The following ATAD2B variants were observed in gnomAD, a reference collection of about 807,000 sequenced individuals.
ATAD2B encodes the protein ATPase family AAA domain containing 2B.
A neutral mutation model predicts 167.6 loss-of-function variants in ATAD2B; 40 were observed. The ratio of observed to expected loss-of-function variants is 0.24; its 90% CI spans 0.19 to 0.31. The LOEUF (loss-of-function observed/expected upper bound fraction) is 0.31, where lower values mean the gene tolerates loss of function less well. ATAD2B is among the 10% of genes least tolerant of loss of function. ATAD2B has a pLI of 1.00. For synonymous variants in ATAD2B, 579 were observed against 596.5 expected (o/e 0.97, Z 0.43); for missense variants, 1,242 against 1,757.2 (o/e 0.71, Z 5.24).
chr2:23,714,239 CTTTTT>C, the ATAD2B span, among the ~76,000 whole-genome samples: 2 of 136,494 alleles, frequency 1.5e-5, no homozygotes, highest in Non-Finnish European at 3.2e-5. Context: ...TCTCAAAATA[CTTTTT>C]TTTTTTTTTT....
intron 17 of ATAD2B, among the ~76,000 whole-genome samples, chr2:23,818,077 A>AACAC (rs10559795): frequency 7.0e-6 from 1 of 142,266 alleles, no homozygotes; most frequent in Admixed American, 7.0e-5. Flanking sequence ...AACACACATA[A>AACAC]ACACACACAC....
intron 13 of ATAD2B, among the ~76,000 whole-genome samples, chr2:23,839,208 T>C (rs1242651019): frequency 2.0e-5 from 3 of 152,164 alleles, no homozygotes; most frequent in Non-Finnish European, 4.4e-5. Flanking sequence ...TACTGTTTTT[T>C]CCTCTTCAAT....
At chr2:23,775,289 A>G (rs1364359029) in intron 22 of ATAD2B, among the ~76,000 whole-genome samples, 1 of 149,104 alleles carries the variant, frequency 6.7e-6, no homozygotes, top group Non-Finnish European at 1.5e-5. Flanking sequence ...ATCTCAGCTC[A>G]CTGCACTTCC....
At chr2:23,788,461 T>TA (rs1432032877) in intron 20 of ATAD2B, 51 bp downstream of exon 20, 12 of 1,570,202 alleles carry the variant, frequency 7.6e-6, no homozygotes, top group Admixed American at 7.2e-5. Flanking sequence ...CAAGAAAGGG[T>TA]ATTTCTTAAC....
chr2:23,715,535 C>T, the ATAD2B span, among the ~76,000 whole-genome samples: 2 of 151,768 alleles, frequency 1.3e-5, no homozygotes, highest in Admixed American at 6.6e-5. Flanking sequence ...GATGGCACAA[C>T]TGCACTCCAG....
At chr2:23,880,327 A>C (rs1004447107) in intron 7 of ATAD2B, among the ~76,000 whole-genome samples, 1 of 152,172 alleles carries the variant, frequency 6.6e-6, no homozygotes, top group Non-Finnish European at 1.5e-5. Flanking sequence ...CCTTCTTTTA[A>C]ATTTGGCAAT....
chr2:23,790,401 C>T (rs537488687), intron 19 of ATAD2B, among the ~76,000 whole-genome samples: 2 of 152,210 alleles, frequency 1.3e-5, no homozygotes, highest in South Asian at 2.1e-4. Context: ...ATATCCTAGA[C>T]GTACCACGAT....
the ATAD2B span, among the ~76,000 whole-genome samples, chr2:23,687,784 T>C: frequency 6.6e-6 from 1 of 152,114 alleles, no homozygotes; most frequent in Non-Finnish European, 1.5e-5. Context: ...CACAGGTGAC[T>C]CCACGTTGCT....
chr2:23,706,682 C>T, the ATAD2B span: 2 of 1,490,752 alleles, frequency 1.3e-6, no homozygotes, highest in African/African-American at 1.4e-5. Flanking sequence ...AGAAAGCCCA[C>T]GATAAGACTG....
chr2:23,703,525 C>A, the ATAD2B span: 1 of 1,071,210 alleles, frequency 9.3e-7, no homozygotes, highest in African/African-American at 1.6e-5. Flanking sequence ...GCCGAGCCCC[C>A]AGCTCAGGTG....
chr2:23,693,751 C>T, the ATAD2B span, among the ~76,000 whole-genome samples: 4 of 152,248 alleles, frequency 2.6e-5, no homozygotes, highest in Non-Finnish European at 5.9e-5. Context: ...AGAGCCGCAG[C>T]ACCTGCACTC....
At chr2:23,901,503 T>C (rs1700836358) in intron 1 of ATAD2B, among the ~76,000 whole-genome samples, 1 of 152,160 alleles carries the variant, frequency 6.6e-6, no homozygotes, top group Admixed American at 6.6e-5. Context: ...TAAAGTGTCA[T>C]GTCCAAGTCT....
chr2:23,703,662 A>T, the ATAD2B span: 1 of 1,476,566 alleles, frequency 6.8e-7, no homozygotes, highest in Non-Finnish European at 9.0e-7. Context: ...GGGAAAGAAA[A>T]GGAGAGGGAA....
At chr2:23,835,312 A>G (rs909960338) in intron 13 of ATAD2B, among the ~76,000 whole-genome samples, 1 of 152,236 alleles carries the variant, frequency 6.6e-6, no homozygotes, top group African/African-American at 2.4e-5. Flanking sequence ...ATATCCATAC[A>G]ATGGAACAGT....
At chr2:23,790,546 A>C (rs963221558) in intron 19 of ATAD2B, among the ~76,000 whole-genome samples, 1 of 152,220 alleles carries the variant, frequency 6.6e-6, no homozygotes, top group Non-Finnish European at 1.5e-5. Context: ...TTACCAGGTT[A>C]CTACCAACAC....
chr2:23,693,536 C>A, the ATAD2B span: 10 of 1,542,772 alleles, frequency 6.5e-6, no homozygotes, highest in Admixed American at 2.0e-4. Context: ...CAGGTGGGGC[C>A]TGCCCTGTCC....
chr2:23,760,678 A>T (rs1676548971), intron 24 of ATAD2B, among the ~76,000 whole-genome samples: 1 of 146,298 alleles, frequency 6.8e-6, no homozygotes, highest in African/African-American at 2.5e-5. Flanking sequence ...AAAAAAAAAA[A>T]AATAAATAAA....
At chr2:23,924,686 C>T (rs1283105465) in intron 1 of ATAD2B, among the ~76,000 whole-genome samples, 2 of 152,110 alleles carry the variant, frequency 1.3e-5, no homozygotes, top group East Asian at 3.8e-4. Context: ...CTTTAGTACC[C>T]TGTTATTTAT....
chr2:23,843,562 G>A (rs1176139700), intron 13 of ATAD2B, among the ~76,000 whole-genome samples: 1 of 152,222 alleles, frequency 6.6e-6, no homozygotes, highest in African/African-American at 2.4e-5. Context: ...AAGCGGAAGA[G>A]TCGGAGTTGA....
Sources: gnomAD v4.1 joint callset for allele counts (sites outside exome capture counted in the v4.1 genomes callset) on GRCh38, gnomAD v4.1.1 for gene constraint, MANE v1.5 for transcripts, NCBI Gene and HGNC (gene_info 2026-07-23, HGNC 2026-07-21) for gene names.